The following MAML3 variants were observed in gnomAD, a reference collection of about 807,000 sequenced individuals.
MAML3 encodes the protein mastermind like transcriptional coactivator 3.
MAML3 carries 27 observed loss-of-function variants against 101.9 expected under a neutral mutation model. That is an observed-to-expected ratio of 0.27 (90% CI 0.20 to 0.37). MAML3 has a LOEUF of 0.37. Ranked by LOEUF, MAML3 falls within the 10% of genes least tolerant of loss-of-function variation. The pLI is 1.00. For synonymous variants in MAML3, 501 were observed against 555.9 expected (o/e 0.90, Z 1.39); for missense variants, 1,316 against 1,444.9 (o/e 0.91, Z 1.45).
chr4:139,725,685 G>A (rs1459327869), intron 4 of MAML3, 66 bp downstream of exon 4: 4 of 1,474,610 alleles, frequency 2.7e-6, no homozygotes, highest in East Asian at 2.3e-5. Flanking sequence ...CAATGCCTCT[G>A]GCTACACATT....
chr4:139,983,693 G>C (rs1474301870), intron 1 of MAML3, among the ~76,000 whole-genome samples: 3 of 152,150 alleles, frequency 2.0e-5, no homozygotes, highest in African/African-American at 7.2e-5. Context: ...TGGGGTGCTC[G>C]ATCTGTGCTA....
chr4:140,110,507 GGT>G (rs1471052562), intron 1 of MAML3, among the ~76,000 whole-genome samples: 1 of 152,196 alleles, frequency 6.6e-6, no homozygotes, highest in Non-Finnish European at 1.5e-5. Context: ...TATTCCTGGT[GGT>G]GGGTACAACC....
chr4:140,135,619 C>G (rs1728869965), intron 1 of MAML3, among the ~76,000 whole-genome samples: 1 of 152,246 alleles, frequency 6.6e-6, no homozygotes, highest in Admixed American at 6.5e-5. Flanking sequence ...GGCCAAGAGC[C>G]CTCTTGCCAA....
At chr4:139,797,880 G>A (rs1051018772) in intron 2 of MAML3, among the ~76,000 whole-genome samples, 9 of 152,038 alleles carry the variant, frequency 5.9e-5, no homozygotes, top group Admixed American at 2.0e-4. Context: ...TGATAACAGT[G>A]ATAATGGCAT....
intron 1 of MAML3, among the ~76,000 whole-genome samples, chr4:140,084,483 C>T (rs1727919740): frequency 6.6e-6 from 1 of 152,154 alleles, no homozygotes; most frequent in Non-Finnish European, 1.5e-5. Context: ...CTGTGTATTT[C>T]TTTATACATT....
chr4:139,981,492 C>A (rs1734443441), intron 1 of MAML3, among the ~76,000 whole-genome samples: 1 of 152,094 alleles, frequency 6.6e-6, no homozygotes, highest in South Asian at 2.1e-4. Flanking sequence ...ATATCCTGTA[C>A]CTAGTTTTTC....
intron 1 of MAML3, among the ~76,000 whole-genome samples, chr4:139,891,424 C>T (rs992933730): frequency 3.2e-4 from 48 of 152,042 alleles, no homozygotes; most frequent in African/African-American, 5.6e-4. Flanking sequence ...GATACAGGCA[C>T]GCGTCACCAT....
At chr4:140,130,085 T>A (rs774993305) in intron 1 of MAML3, among the ~76,000 whole-genome samples, 8 of 152,120 alleles carry the variant, frequency 5.3e-5, no homozygotes, top group African/African-American at 1.9e-4. Context: ...ACAGACATAA[T>A]TGAAAGATAA....
rs540325065 is a variant in MAML3, at chr4:140,060,091, C to T, written c.468+92769G>A. ...TTAGAAGCTACAAGCCTAGGCTGGGCGCAGTGGCTCACGCCTGTAATCCCA... is the reference window on the plus strand; with the variant it reads ...TTAGAAGCTACAAGCCTAGGCTGGGTGCAGTGGCTCACGCCTGTAATCCCA... On this transcript the variant is annotated intron_variant, in intron 1 of 4. Coordinates refer to ENST00000509479, the MANE Select transcript of MAML3 (RefSeq NM_018717.5). Among the ~76,000 whole-genome samples, 54 of 152,146 alleles carry T rather than the reference C, an allele frequency of 3.5e-4. 1 individual carries two copies. The South Asian group carries it at 4.8e-3, about 13-fold the overall frequency.
chr4:139,723,225 G>A (rs1357751349), intron 4 of MAML3, among the ~76,000 whole-genome samples: 2 of 152,228 alleles, frequency 1.3e-5, no homozygotes, highest in East Asian at 3.8e-4. Context: ...TTTTGTGGGT[G>A]TCTATTTATA....
At chr4:139,819,708 C>T (rs1191515920) in intron 2 of MAML3, among the ~76,000 whole-genome samples, 1 of 152,182 alleles carries the variant, frequency 6.6e-6, no homozygotes, top group Non-Finnish European at 1.5e-5. Flanking sequence ...GCAAAAATAG[C>T]TAAGTATAAA....
At chr4:139,981,831 C>G (rs1040505418) in intron 1 of MAML3, among the ~76,000 whole-genome samples, 1 of 152,052 alleles carries the variant, frequency 6.6e-6, no homozygotes, top group Non-Finnish European at 1.5e-5. Flanking sequence ...TGACTAGACC[C>G]GTGTTATAGA....
chr4:139,847,344 C>T (rs1033155451), intron 2 of MAML3, among the ~76,000 whole-genome samples: 4 of 152,124 alleles, frequency 2.6e-5, no homozygotes, highest in Non-Finnish European at 5.9e-5. Flanking sequence ...AGATTCAATC[C>T]GTTGAGCAAA....
At chr4:139,884,974 G>GA (rs1314090507) in intron 2 of MAML3, among the ~76,000 whole-genome samples, 31 of 152,232 alleles carry the variant, frequency 2.0e-4, no homozygotes, top group African/African-American at 6.5e-4. Context: ...GATTAGGACG[G>GA]AAAAAAACCA....
chr4:139,828,486 A>G (rs1430734878), intron 2 of MAML3, among the ~76,000 whole-genome samples: 2 of 152,244 alleles, frequency 1.3e-5, no homozygotes, highest in Non-Finnish European at 2.9e-5. Context: ...TCACATACAC[A>G]TTGAATCCTA....
chr4:139,840,429 G>C (rs1016899098), intron 2 of MAML3, among the ~76,000 whole-genome samples: 2 of 152,136 alleles, frequency 1.3e-5, no homozygotes, highest in Non-Finnish European at 2.9e-5. Context: ...TACTTCACAT[G>C]ATGGGCTTTA....
intron 1 of MAML3, among the ~76,000 whole-genome samples, chr4:139,943,897 A>ATTTTTT (rs1733655333): frequency 4.6e-5 from 3 of 65,430 alleles, no homozygotes; most frequent in African/African-American, 1.3e-4. Context: ...TTGAGACGGA[A>ATTTTTT]TCTTGTTCTG....
At chr4:139,720,980 C>T (rs865859492) in intron 4 of MAML3, among the ~76,000 whole-genome samples, 4 of 152,242 alleles carry the variant, frequency 2.6e-5, no homozygotes, top group African/African-American at 9.6e-5. Context: ...TTTTCGGATC[C>T]ACTCTGTAGA....
At chr4:139,756,579 G>C (rs17050895) in intron 2 of MAML3, among the ~76,000 whole-genome samples, 1 of 152,072 alleles carries the variant, frequency 6.6e-6, no homozygotes, top group Admixed American at 6.5e-5. Flanking sequence ...GGAGAAGTTG[G>C]TGTGCAAATT....
Sources: gnomAD v4.1 joint callset for allele counts (sites outside exome capture counted in the v4.1 genomes callset) on GRCh38, gnomAD v4.1.1 for gene constraint, MANE v1.5 for transcripts, NCBI Gene and HGNC (gene_info 2026-07-23, HGNC 2026-07-21) for gene names.